The following RELN variants were observed in gnomAD, a reference collection of about 807,000 sequenced individuals.
RELN encodes reelin.
RELN carries 108 observed loss-of-function variants against 427.6 expected under a neutral mutation model. The ratio of observed to expected loss-of-function variants is 0.25; its 90% confidence interval spans 0.22 to 0.30. The LOEUF (loss-of-function observed/expected upper bound fraction) is 0.30, where lower values mean the gene tolerates loss of function less well. RELN is among the 10% of genes least tolerant of loss of function. The pLI is 1.00. For synonymous variants in RELN, 1,524 were observed against 1,513.4 expected, an observed-to-expected ratio of 1.01 and a Z score of -0.16; for missense variants, 3,715 against 4,302.8, an observed-to-expected ratio of 0.86 and a Z score of 3.82.
chr7:103,965,218 TGAGA>T (rs912756352), intron 1 of RELN, among the ~76,000 whole-genome samples: 2 of 152,176 alleles, frequency 1.3e-5, no homozygotes, highest in African/African-American at 4.8e-5. Flanking sequence ...TAAATCAAAA[TGAGA>T]GAAATTTTTA....
chr7:103,773,475 C>T lies in RELN; in HGVS notation c.544+3082G>A, dbSNP rs549708266. Among the ~76,000 whole-genome samples the T allele has an allele frequency of 2.1e-4, 32 of 149,528 alleles. 1 individual carries two copies. Among genetic ancestry groups the T allele is most frequent in the Non-Finnish European group, 5.9e-5 (4 of 67,364 alleles). On this transcript the variant is annotated intron_variant, in intron 4 of 64. Coordinates refer to ENST00000428762, the MANE Select transcript of RELN (RefSeq NM_005045.4). ...GCTCCCTCCCTCTCTCTCTCTCTCT[C>T]TCTCTTTCTTTCTTTTGACAGAGTC... is the stretch of plus-strand genomic sequence containing the variant.
chr7:103,819,298 T>A (rs1466629525), intron 3 of RELN, among the ~76,000 whole-genome samples: 2 of 152,034 alleles, frequency 1.3e-5, no homozygotes, highest in Non-Finnish European at 2.9e-5. Flanking sequence ...ACTAAGACAT[T>A]TTGCATTCTA....
intron 2 of RELN, among the ~76,000 whole-genome samples, chr7:103,841,329 A>G (rs1395884221): frequency 6.6e-6 from 1 of 152,182 alleles, no homozygotes; most frequent in Non-Finnish European, 1.5e-5. Flanking sequence ...TAAAGTATGG[A>G]TGTTTTAAAA....
intron 2 of RELN, among the ~76,000 whole-genome samples, chr7:103,914,851 C>G (rs1487867046): frequency 6.6e-6 from 1 of 152,158 alleles, no homozygotes; most frequent in South Asian, 2.1e-4. Flanking sequence ...CTTGCCATAT[C>G]AGAATTTTTA....
intron 11 of RELN, among the ~76,000 whole-genome samples, chr7:103,668,022 G>C (rs540829473): frequency 6.6e-6 from 1 of 152,172 alleles, no homozygotes; most frequent in African/African-American, 2.4e-5. Flanking sequence ...TTGAGGCCAG[G>C]ATTTCAAGTT....
Position 103,700,968 on chromosome 7 carries a change from T to C in RELN, c.844A>G (p.Ile282Val), listed in dbSNP as rs753624426. 10 of 1,612,592 alleles carry C rather than the reference T, an allele frequency of 6.2e-6. No individual in the cohort carries two copies. Among genetic ancestry groups the C allele is most frequent in the South Asian group, 1.1e-5 (1 of 91,048 alleles). ...TTATTCTTGGCATATAACACGATGA[T>C]GCTGGGGTCTGAATAACTAAAGCGA... Reference protein sequence around the residue: ...SCRFSYSDPSIIVLYAKNNSA... With the variant: ...SCRFSYSDPSVIVLYAKNNSA... Residue 282 changes from isoleucine (I) to valine (V), a missense_variant, in exon 9 of 65, where the codon ATC becomes GTC. Coordinates refer to ENST00000428762, the MANE Select transcript of RELN (RefSeq NM_005045.4).
rs1262274629 is a variant in RELN, at chr7:103,640,685, T to C, written c.2003-76A>G. 6 of 1,425,014 alleles carry C rather than the reference T, an allele frequency of 4.2e-6. No individual in the cohort carries two copies. Among genetic ancestry groups the C allele is most frequent in the African/African-American group, 2.8e-5 (2 of 70,766 alleles). 88.3% of individuals were successfully genotyped at this position (1,425,014 alleles called of 1,614,324 possible). A position where few individuals can be genotyped will look rare whatever the true frequency, so the allele number is the denominator to read the frequency against. ...GTACAATTTTGTGAAGTAATACTCA[T>C]GAAATATGGCCCCTTGTGTGTATGT... On this transcript the variant is annotated intron_variant, in intron 16 of 64. Coordinates refer to ENST00000428762, the MANE Select transcript of RELN (RefSeq NM_005045.4). The surrounding 1 kb of genome is among the most constrained non-coding windows in gnomAD (Gnocchi z 4.1).
intron 1 of RELN, among the ~76,000 whole-genome samples, chr7:103,941,585 G>A (rs1796115570): frequency 1.3e-5 from 2 of 152,048 alleles, no homozygotes; most frequent in South Asian, 4.1e-4. Flanking sequence ...TAAATTTAAT[G>A]TCTACTCATT....
chr7:103,678,746 TATC>T (rs1369949359), intron 11 of RELN, among the ~76,000 whole-genome samples: 2 of 152,204 alleles, frequency 1.3e-5, no homozygotes, highest in Non-Finnish European at 2.9e-5. Flanking sequence ...GAAAGCATTA[TATC>T]CACATTAATA....
At chr7:103,924,982 GCATACACATA>G (rs1485783149) in intron 1 of RELN, among the ~76,000 whole-genome samples, 2 of 42,280 alleles carry the variant, frequency 4.7e-5, no homozygotes, top group African/African-American at 6.3e-5. Flanking sequence ...GTGTGCATGC[GCATACACATA>G]CACACACACA....
intron 11 of RELN, among the ~76,000 whole-genome samples, chr7:103,662,414 G>C (rs1833163222): frequency 6.6e-6 from 1 of 152,130 alleles, no homozygotes; most frequent in Non-Finnish European, 1.5e-5. Context: ...GAGGTCAGGA[G>C]ATTGAGACCA....
chr7:103,616,669 CT>C (rs80056123), intron 20 of RELN, among the ~76,000 whole-genome samples: 94 of 151,886 alleles, frequency 6.2e-4, no homozygotes, highest in Admixed American at 1.9e-3. Flanking sequence ...CACACACATA[CT>C]TTTTTTTAAA....
chr7:103,489,854 C>T lies in RELN; in HGVS notation c.9651G>A (p.Lys3217=). Residue 3217 remains lysine (K), a synonymous_variant, in exon 60 of 65, where the codon AAG becomes AAA. Transcript: ENST00000428762. ...ACACGTGGTCAATTGCCCAGCTTTGCTTCTCAGTTTCTTCTCCCTTCTGGA... is the reference window on the plus strand; with the variant it reads ...ACACGTGGTCAATTGCCCAGCTTTGTTTCTCAGTTTCTTCTCCCTTCTGGA... ...RWIQKGEETE[K]QSWAIDHVYI... The T allele has an allele frequency of 1.9e-6, 3 of 1,614,164 alleles. No homozygotes were observed. The highest frequency in any genetic ancestry group is 2.5e-6 in the Non-Finnish European group (3 of 1,180,018).
At chr7:103,855,504 G>T (rs1348241806) in intron 2 of RELN, among the ~76,000 whole-genome samples, 1 of 152,234 alleles carries the variant, frequency 6.6e-6, no homozygotes, top group African/African-American at 2.4e-5. Context: ...AAGAGGCCAG[G>T]CAAGGCATGA....
At position 103,667,792 on chromosome 7, in the gene RELN, T is replaced by C. The variant is rs1043129582; in HGVS notation, c.1290-6265A>G. Among the ~76,000 whole-genome samples, 4 of 152,354 alleles carry C rather than the reference T, an allele frequency of 2.6e-5. No individual in the cohort carries two copies. The East Asian group carries it at 7.7e-4, about 29-fold the overall frequency. On this transcript the variant is annotated intron_variant, in intron 11 of 64. Transcript: ENST00000428762. ...TTCCTTGCACAAAGTTTATCATGTA[T>C]GCTTACTTTAGAATTAGTTAATTCT...
At chr7:103,539,773 C>A (rs362749) in intron 44 of RELN, among the ~76,000 whole-genome samples, 3,337 of 152,252 alleles carry the variant, frequency 0.022, 139 homozygotes, top group African/African-American at 0.077. Flanking sequence ...GTATAAAGAT[C>A]CTTTGGAGCA....
chr7:103,553,388 G>T, intron 40 of RELN, 73 bp downstream of exon 40: 2 of 1,144,444 alleles, frequency 1.7e-6, no homozygotes, highest in Non-Finnish European at 2.6e-6. Context: ...AATTATCTGA[G>T]ATTTTCCTCC....
At position 103,705,790 on chromosome 7, in the gene RELN, C is replaced by G. The variant is rs112983013; in HGVS notation, c.806-4784G>C. On this transcript the variant is annotated intron_variant, in intron 8 of 64. Transcript: ENST00000428762. ...GGCAAGTCACTTACGCTTTCTGTGT[C>G]CTAACTTCCACACTTGTAAAATGTG... Among the ~76,000 whole-genome samples the G allele has an allele frequency of 9.4e-3, 1,438 of 152,202 alleles. 8 individuals carry two copies. Among genetic ancestry groups the G allele is most frequent in the Middle Eastern group, 0.034 (10 of 292 alleles).
At chr7:103,783,164 C>CTTT (rs34257358) in intron 3 of RELN, among the ~76,000 whole-genome samples, 35,134 of 109,014 alleles carry the variant, frequency 0.32, 4,810 homozygotes, top group East Asian at 0.45. Flanking sequence ...CTCTTTCTTT[C>CTTT]TTTTTTTTTT....
Sources: allele counts gnomAD v4.1 joint callset (sites outside exome capture counted in the v4.1 genomes callset), GRCh38; gene constraint gnomAD v4.1.1; non-coding constraint Gnocchi (gnomAD v3.1); transcripts MANE v1.5; gene names NCBI Gene and HGNC (gene_info 2026-07-23, HGNC 2026-07-21).